RADX: variants seen among roughly 807,000 people sequenced by gnomAD.
The protein encoded by RADX is RPA1 related single stranded DNA binding protein, X-linked.
In RADX, 36 loss-of-function variants were observed where a neutral mutation model predicts 61.6. That is an observed-to-expected ratio of 0.58 (90% CI 0.45 to 0.77). The LOEUF (loss-of-function observed/expected upper bound fraction) is 0.77. Ranked by LOEUF, RADX falls within the 30% of genes least tolerant of loss-of-function variation. The pLI is 0.00. For synonymous variants in RADX, 272 were observed against 237.9 expected (o/e 1.14, Z -1.32); for missense variants, 497 against 651.1 (o/e 0.76, Z 2.58).
chrX:106,650,343 C>A (rs1490900544), intron 11 of RADX, among the ~76,000 whole-genome samples: 1 of 110,673 alleles, frequency 9.0e-6, no homozygotes, highest in African/African-American at 3.3e-5. Flanking sequence ...AAGGTCTAGA[C>A]AAAGGCAGTT....
At chrX:106,644,576 T>C (rs987781754) in intron 10 of RADX, among the ~76,000 whole-genome samples, 28 of 111,611 alleles carry the variant, frequency 2.5e-4, no homozygotes, top group African/African-American at 9.1e-4. Context: ...ATCACATTGA[T>C]TTGCATATGT....
At chrX:106,618,459 T>C (rs1213118337) in intron 1 of RADX, among the ~76,000 whole-genome samples, 1 of 110,630 alleles carries the variant, frequency 9.0e-6, no homozygotes. Flanking sequence ...ACAATGCTAT[T>C]GGTACAGAGA....
At chrX:106,673,444 G>A (rs995818357) in intron 13 of RADX, among the ~76,000 whole-genome samples, 4 of 110,370 alleles carry the variant, frequency 3.6e-5, no homozygotes, top group African/African-American at 9.9e-5. Flanking sequence ...GGCCCGAAAC[G>A]ATGTCTTCAC....
chrX:106,615,795 G>T (rs1262949972), intron 1 of RADX, among the ~76,000 whole-genome samples: 16 of 110,618 alleles, frequency 1.4e-4, no homozygotes, highest in Admixed American at 1.1e-3. Flanking sequence ...ATAAAAGAAT[G>T]AATGAAATAA....
In RADX at chrX:106,629,618, A is replaced by G. The variant is rs969341930; in HGVS notation, c.980-3007A>G. On this transcript the variant is annotated intron_variant, in intron 3 of 13. Transcript: ENST00000372548. ...GAGAAATTCTACCAAACATTTAGGG[A>G]ATATATCATTCTAAACCTATTCCAG... is the stretch of plus-strand genomic sequence containing the variant. Among the ~76,000 whole-genome samples the G allele has an allele frequency of 2.7e-5, 3 of 111,913 alleles. No homozygotes were observed. In the South Asian group the frequency reaches 1.1e-3, roughly 42 times the overall value.
chrX:106,624,806 G>A (rs1175496216), intron 2 of RADX, among the ~76,000 whole-genome samples: 1 of 111,445 alleles, frequency 9.0e-6, no homozygotes, highest in Admixed American at 9.6e-5. Flanking sequence ...TTAAGAATTA[G>A]AAAACACTTT....
rs202133930 is a variant in RADX at position 106,672,477 on chromosome X, A to ACT, written c.2437+3168_2437+3169dup. Among the ~76,000 whole-genome samples, 345 of 105,106 alleles carry ACT rather than the reference A, an allele frequency of 3.3e-3. 1 individual carries two copies. Among genetic ancestry groups the ACT allele is most frequent in the East Asian group, 0.013 (45 of 3,334 alleles). The allele number at this position is 105,106 out of a possible 115,157, so 91.3% of individuals were successfully genotyped here. A position where few individuals can be genotyped will look rare whatever the true frequency, so the allele number is the denominator to read the frequency against. Reference sequence around the variant, plus strand: ...TCTTCCCTTATTTTCTCCCAAAGATACTCTCTCTCTCTCTCTCTCTCTATT... The same window carrying ACT: ...TCTTCCCTTATTTTCTCCCAAAGATACTCTCTCTCTCTCTCTCTCTCTCTATT... On this transcript the variant is annotated intron_variant, in intron 13 of 13. Coordinates refer to ENST00000372548, the MANE Select transcript of RADX (RefSeq NM_018015.6).
At chrX:106,612,875 T>G (rs1926713333) in intron 1 of RADX, 152 bp downstream of exon 1, 1 of 519,850 alleles carries the variant, frequency 1.9e-6, no homozygotes, top group Non-Finnish European at 2.9e-6. Flanking sequence ...CAAGGGATGC[T>G]CAATGAAATT....
intron 11 of RADX, among the ~76,000 whole-genome samples, chrX:106,657,541 C>T (rs1439006561): frequency 8.9e-6 from 1 of 112,168 alleles, no homozygotes; most frequent in Non-Finnish European, 1.9e-5. Flanking sequence ...GCCTTCCTCA[C>T]TAAACTAAAT....
Position 106,640,662 on chromosome X carries a change from A to G in RADX, c.1845A>G (p.Thr615=). ...TGAATTCTCAGTATTTCCAAACTAC[A>G]TCTACAAATTTAAGTCTGAGCAATA... ...EPVNSQYFQT[T]STNLSLSNKI... Residue 615 remains threonine (T), a synonymous_variant, in exon 10 of 14, where the codon ACA becomes ACG. Coordinates refer to ENST00000372548, the MANE Select transcript of RADX (RefSeq NM_018015.6). 1 of 1,199,627 alleles carries G rather than the reference A, an allele frequency of 8.3e-7. No individual in the cohort carries two copies. Among genetic ancestry groups the G allele is most frequent in the Non-Finnish European group, 1.1e-6 (1 of 886,264 alleles).
intron 3 of RADX, among the ~76,000 whole-genome samples, chrX:106,628,733 T>G (rs746635117): frequency 1.9e-5 from 2 of 107,128 alleles, no homozygotes; most frequent in East Asian, 2.9e-4. Flanking sequence ...AACCTTCACC[T>G]CCTGGGTTCA....
chrX:106,622,707 T>A lies in RADX; in HGVS notation c.700T>A (p.Phe234Ile). 8.4e-7 allele frequency: 1 copy of A among 1,196,024 alleles called. No homozygotes were observed. The change falls in exon 2 of 14, where the codon TTT becomes ATT. Residue 234 changes from phenylalanine to isoleucine, a missense_variant. Physicochemically the swap from Phe to Ile is conservative, Grantham distance 21 (BLOSUM62 0). Around this residue, in one of 3 missense-constraint regions of RADX, gnomAD observed 196 missense variants for 315.0 expected, o/e 0.62. Coordinates refer to ENST00000372548, the MANE Select transcript of RADX (RefSeq NM_018015.6). ...LEMTWTNRRN[F>I]PALLVRILHK... ...AATGACCTGGACTAACAGAAGAAAT[T>A]TTCCTGCATTGCTTGTGAGGATCTT...
At position 106,651,029 on chromosome X, in the gene RADX, C is replaced by G. The variant is rs1927782019; in HGVS notation, c.1978+2643C>G. On this transcript the variant is annotated intron_variant, in intron 11 of 13. Coordinates refer to ENST00000372548, the MANE Select transcript of RADX (RefSeq NM_018015.6). ...CAGAACAGAGATAGTTAGGAAGAAGCAGTATTTGAAGAGGGTATTTTTTCA... is the reference window on the plus strand; with the variant it reads ...CAGAACAGAGATAGTTAGGAAGAAGGAGTATTTGAAGAGGGTATTTTTTCA... Among the ~76,000 whole-genome samples, 5 of 110,100 alleles carry G rather than the reference C, an allele frequency of 4.5e-5. No homozygotes were observed. The Admixed American group carries it at 4.9e-4, about 11-fold the overall frequency.
intron 2 of RADX, 39 bp downstream of exon 2, chrX:106,622,832 A>T: frequency 1.1e-6 from 1 of 880,288 alleles, no homozygotes; most frequent in Non-Finnish European, 1.6e-6. Flanking sequence ...TTTAAAAGTT[A>T]TAAATTATAG....
rs973278815 is a variant in RADX, at chrX:106,645,546, T to C, written c.1905-2767T>C. On this transcript the variant is annotated intron_variant, in intron 10 of 13. Transcript: ENST00000372548. The stretch of plus-strand genomic sequence containing the variant: ...TGAAGAATATGCTGTTTAATTTCTA[T>C]GTATTTGTATAGTTTCCAAAATCAT... 3.6e-5 allele frequency among the ~76,000 whole-genome samples: 4 copies of C among 111,920 alleles called. No individual in the cohort carries two copies. The South Asian group carries it at 1.5e-3, about 41-fold the overall frequency.
rs768200842 is a variant in RADX, at chrX:106,612,721, G to A, written c.641G>A (p.Ser214Asn). ...AAGCAACCTGAGGAACACAACTTTA[G>A]CGGTAAGTGTTTGGAAAGAACGGCA... is the stretch of plus-strand genomic sequence containing the variant. ...TDKQPEEHNF[S>N]DTKIISLSHL... is the part of the protein sequence containing the mutation. Residue 214 changes from serine to asparagine, a missense_variant and splice_region_variant, in exon 1 of 14, where the codon AGC becomes AAC. By Grantham distance (46) the Ser-to-Asn change is conservative. This residue lies in a region of RADX where 196 missense variants were observed against 315.0 expected (regional missense o/e 0.62). Transcript: ENST00000372548. The A allele has an allele frequency of 2.5e-6, 3 of 1,185,010 alleles. No individual in the cohort carries two copies. The East Asian group carries it at 8.9e-5, about 35-fold the overall frequency.
intron 12 of RADX, among the ~76,000 whole-genome samples, chrX:106,665,478 G>A (rs1569429093): frequency 9.0e-6 from 1 of 111,122 alleles, no homozygotes; most frequent in African/African-American, 3.3e-5. Context: ...ATTTAAAAAT[G>A]TGAAAGCTAT....
intron 13 of RADX, among the ~76,000 whole-genome samples, chrX:106,675,203 A>G (rs769060486): frequency 1.8e-5 from 2 of 112,198 alleles, no homozygotes; most frequent in Non-Finnish European, 3.8e-5. Flanking sequence ...ATGTTTTAAC[A>G]CATCTAAGAA....
chrX:106,662,244 C>T lies in RADX; in HGVS notation c.2208C>T (p.Pro736=). ...PAKYVPPEGR[P]PKLDDFKSAR... is the part of the protein sequence containing the mutation. ...AATATGTACCACCAGAAGGAAGGCC[C>T]CCAAAACTTGATGATTTTAAGAGCG... Residue 736 remains proline, a synonymous_variant, in exon 12 of 14, where the codon CCC becomes CCT. Transcript: ENST00000372548. 8.3e-7 allele frequency: 1 copy of T among 1,210,575 alleles called. No individual in the cohort carries two copies. Among genetic ancestry groups the T allele is most frequent in the Non-Finnish European group, 1.1e-6 (1 of 894,876 alleles).
Sources: allele counts gnomAD v4.1 joint callset (sites outside exome capture counted in the v4.1 genomes callset), GRCh38; gene constraint gnomAD v4.1.1; regional missense constraint gnomAD v4.1.1; transcripts MANE v1.5; gene names NCBI Gene and HGNC (gene_info 2026-07-23, HGNC 2026-07-21).